Variants in ERC2 observed in about 807,000 individuals in gnomAD.
ERC2 encodes ERC protein 2.
A neutral mutation model predicts 114.8 loss-of-function variants in ERC2; 42 were observed. That is an observed-to-expected ratio of 0.37 (90% CI 0.29 to 0.47). ERC2 has a LOEUF of 0.47. Ranked by LOEUF, ERC2 falls within the 20% of genes least tolerant of loss-of-function variation. The pLI, the probability that ERC2 is intolerant of heterozygous loss-of-function variation, is 0.99. For missense variants in ERC2, 939 were observed against 1,150.7 expected (o/e 0.82, Z 2.66); for synonymous variants, 454 against 425.5 (o/e 1.07, Z -0.82).
chr3:56,117,137 C>T (rs2079284462), intron 6 of ERC2, among the ~76,000 whole-genome samples: 1 of 152,222 alleles, frequency 6.6e-6, no homozygotes, highest in Admixed American at 6.5e-5. Flanking sequence ...GGTGCTGCCC[C>T]TTCCTGAGCT....
chr3:56,433,211 A>C (rs1297317315), intron 2 of ERC2, among the ~76,000 whole-genome samples: 1 of 131,124 alleles, frequency 7.6e-6, no homozygotes, highest in African/African-American at 2.8e-5. Context: ...AGAGAGAGAG[A>C]GAGCAAGAGA....
In ERC2 at chr3:56,463,711, T is replaced by C. The variant is rs535161070; in HGVS notation, c.-141+4537A>G. On this transcript the variant is annotated intron_variant, in intron 1 of 17. Coordinates refer to ENST00000288221, the MANE Select transcript of ERC2 (RefSeq NM_015576.3). ...TCACCTTTCTTACTCTCTGGCCAAGTGGAATAACTCATTATATCCATGTGT... is the reference window on the plus strand; with the variant it reads ...TCACCTTTCTTACTCTCTGGCCAAGCGGAATAACTCATTATATCCATGTGT... 3.9e-5 allele frequency among the ~76,000 whole-genome samples: 6 copies of C among 152,352 alleles called. No individual in the cohort carries two copies. The East Asian group carries it at 1.2e-3, about 29-fold the overall frequency.
intron 13 of ERC2, among the ~76,000 whole-genome samples, chr3:55,928,238 A>T (rs2065864362): frequency 6.6e-6 from 1 of 152,152 alleles, no homozygotes; most frequent in African/African-American, 2.4e-5. Context: ...ACAGTGCGTA[A>T]GTCTTCCCTT....
rs1469061773 is a variant in ERC2 at position 55,958,146 on chromosome 3, G to T, written c.2268-7586C>A. Among the ~76,000 whole-genome samples, 50 of 152,216 alleles carry T rather than the reference G, an allele frequency of 3.3e-4. 1 individual carries two copies. The highest frequency in any genetic ancestry group is 3.3e-3 in the Admixed American group (50 of 15,286). ...GCTCTCAGGAGACCCGAAATGGGTA[G>T]CTCTTTTCTGCAGGCAGGTCATCCC... On this transcript the variant is annotated intron_variant, in intron 12 of 17. Transcript: ENST00000288221.
intron 2 of ERC2, among the ~76,000 whole-genome samples, chr3:56,349,831 T>C (rs1164966607): frequency 1.3e-5 from 2 of 151,566 alleles, no homozygotes; most frequent in Non-Finnish European, 2.9e-5. Flanking sequence ...GAGAATCGCT[T>C]GAACCCAGGA....
chr3:55,768,151 C>T (rs1185195751), intron 14 of ERC2, among the ~76,000 whole-genome samples: 2 of 152,212 alleles, frequency 1.3e-5, no homozygotes, highest in East Asian at 1.9e-4. Context: ...GCTTCTGGTA[C>T]AGCCTGCAAA....
At chr3:55,581,036 C>A (rs536806884) in intron 17 of ERC2, among the ~76,000 whole-genome samples, 34 of 152,242 alleles carry the variant, frequency 2.2e-4, no homozygotes, top group Non-Finnish European at 4.6e-4. Flanking sequence ...AAAGCCAGTG[C>A]AGAGGCCTTG....
chr3:56,284,193 G>C (rs1344549280), intron 3 of ERC2, among the ~76,000 whole-genome samples: 4 of 152,202 alleles, frequency 2.6e-5, no homozygotes, highest in Non-Finnish European at 5.9e-5. Context: ...TGAACTTAAA[G>C]TTTTAGAGTC....
intron 2 of ERC2, among the ~76,000 whole-genome samples, chr3:56,352,082 C>T (rs2058574348): frequency 6.6e-6 from 1 of 152,092 alleles, no homozygotes; most frequent in African/African-American, 2.4e-5. Context: ...GAGATCTTTA[C>T]ATTTTATCCT....
chr3:56,348,976 GAAAGAAGGAA>G, intron 2 of ERC2, among the ~76,000 whole-genome samples: 1 of 140,902 alleles, frequency 7.1e-6, no homozygotes. Flanking sequence ...AAGAAGGAAA[GAAAGAAGGAA>G]AGAAAGAAAG....
intron 15 of ERC2, among the ~76,000 whole-genome samples, chr3:55,715,123 A>G (rs2064034858): frequency 6.6e-6 from 1 of 152,090 alleles, no homozygotes; most frequent in Non-Finnish European, 1.5e-5. Flanking sequence ...AACCAGCATC[A>G]CCAATCTCTC....
chr3:56,033,037 AAAGAAAGAAAGAAAGAAAGAAAGAAAG>A (rs1350466359), intron 7 of ERC2, among the ~76,000 whole-genome samples: 1 of 69,414 alleles, frequency 1.4e-5, no homozygotes, highest in Non-Finnish European at 3.5e-5. Flanking sequence ...AAACAGAAAG[AAAGAAAGAAAGAAAGAAAGAAAGAAAG>A]AAAGAAAGAA....
Position 55,694,184 on chromosome 3 carries a change from A to G in ERC2, c.2847+5194T>C, listed in dbSNP as rs138988856. ...TATCCAAGGGGTTTGCCACCAATGTATAGTACTCAGAGACTCAGGATTTCA... is the reference window on the plus strand; with the variant it reads ...TATCCAAGGGGTTTGCCACCAATGTGTAGTACTCAGAGACTCAGGATTTCA... On this transcript the variant is annotated intron_variant, in intron 16 of 17. Coordinates refer to ENST00000288221, the MANE Select transcript of ERC2 (RefSeq NM_015576.3). Among the ~76,000 whole-genome samples, 17 of 152,310 alleles carry G rather than the reference A, an allele frequency of 1.1e-4. No homozygotes were observed. The East Asian group carries it at 3.3e-3, about 29-fold the overall frequency.
intron 6 of ERC2, among the ~76,000 whole-genome samples, chr3:56,119,740 A>T (rs962831112): frequency 1.3e-5 from 2 of 152,224 alleles, no homozygotes; most frequent in African/African-American, 4.8e-5. Context: ...TTGTTGTACC[A>T]TAAAGCAATT....
Position 56,118,358 on chromosome 3 carries a change from C to CCATAG in ERC2, c.1473+21146_1473+21150dup, listed in dbSNP as rs2079367232. ...ATCTCCTAGCACAGTGCCTAAAACA[C>CCATAG]CATAGGTGAGCACTAAATGTGAGGT... On this transcript the variant is annotated intron_variant, in intron 6 of 17. Transcript: ENST00000288221. Among the ~76,000 whole-genome samples the CCATAG allele has an allele frequency of 3.9e-5, 6 of 152,244 alleles. No individual in the cohort carries two copies. In the South Asian group the frequency reaches 1.2e-3, roughly 32 times the overall value.
rs186207550 is a variant in ERC2 at position 56,170,257 on chromosome 3, G to C, written c.1149+3189C>G. On this transcript the variant is annotated intron_variant, in intron 4 of 17. Transcript: ENST00000288221. ...TAACTTCAGCCCCCAGGCTCAACTGGCTGCAGTGGATGTAATGTCTGCAAA... is the reference window on the plus strand; with the variant it reads ...TAACTTCAGCCCCCAGGCTCAACTGCCTGCAGTGGATGTAATGTCTGCAAA... 1.4e-4 allele frequency among the ~76,000 whole-genome samples: 22 copies of C among 152,296 alleles called. No individual in the cohort carries two copies. The East Asian group carries it at 2.5e-3, about 17-fold the overall frequency.
At chr3:56,294,909 A>C (rs531292210) in intron 3 of ERC2, among the ~76,000 whole-genome samples, 109 of 152,332 alleles carry the variant, frequency 7.2e-4, no homozygotes, top group African/African-American at 2.4e-3. Flanking sequence ...AAGTATCATT[A>C]AAACGAAACA....
chr3:56,322,203 G>C (rs2057159087), intron 2 of ERC2, among the ~76,000 whole-genome samples: 1 of 152,216 alleles, frequency 6.6e-6, no homozygotes, highest in Non-Finnish European at 1.5e-5. Flanking sequence ...CTGGTTCATA[G>C]CAGTTGTTTA....
At chr3:56,002,866 T>C (rs1469630594) in intron 10 of ERC2, among the ~76,000 whole-genome samples, 1 of 152,168 alleles carries the variant, frequency 6.6e-6, no homozygotes, top group African/African-American at 2.4e-5. Flanking sequence ...GGGCTGAGGT[T>C]AAGAAGGAGG....
Sources: gnomAD v4.1 joint callset for allele counts (sites outside exome capture counted in the v4.1 genomes callset) on GRCh38, gnomAD v4.1.1 for gene constraint, MANE v1.5 for transcripts, NCBI Gene and HGNC (gene_info 2026-07-23, HGNC 2026-07-21) for gene names.